The following CNTNAP2 variants were observed in gnomAD, a reference collection of about 807,000 sequenced individuals.
The protein encoded by CNTNAP2 is contactin-associated protein-like 2.
A neutral mutation model predicts 155.2 loss-of-function variants in CNTNAP2; 98 were observed. That is an observed-to-expected ratio of 0.63 (90% CI 0.54 to 0.75). CNTNAP2 has a LOEUF of 0.75. Among genes scored for constraint, CNTNAP2 ranks in the 30% least tolerant of loss-of-function variants. The pLI is 0.00. For synonymous variants in CNTNAP2, 651 were observed against 631.2 expected (o/e 1.03, Z -0.47); for missense variants, 1,727 against 1,688.1 (o/e 1.02, Z -0.40).
chr7:148,405,954 C>T (rs1473742879), intron 22 of CNTNAP2, among the ~76,000 whole-genome samples: 3 of 151,930 alleles, frequency 2.0e-5, no homozygotes, highest in Admixed American at 6.6e-5. Context: ...GAAGGTCGGC[C>T]GGGCGCGGTG....
chr7:147,425,803 C>A (rs1385498767), intron 10 of CNTNAP2, among the ~76,000 whole-genome samples: 1 of 152,092 alleles, frequency 6.6e-6, no homozygotes, highest in Non-Finnish European at 1.5e-5. Flanking sequence ...TTGATTTGAT[C>A]ATGTGTTACT....
intron 8 of CNTNAP2, among the ~76,000 whole-genome samples, chr7:147,227,743 G>A (rs1165699924): frequency 3.3e-5 from 5 of 152,086 alleles, no homozygotes; most frequent in Admixed American, 1.3e-4. Flanking sequence ...TGTTGACTTT[G>A]GGCTCTCTAC....
intron 1 of CNTNAP2, among the ~76,000 whole-genome samples, chr7:146,730,398 A>G (rs1451489607): frequency 6.6e-6 from 1 of 152,078 alleles, no homozygotes; most frequent in Admixed American, 6.5e-5. Context: ...TGAATTCCTC[A>G]TCCCATTTTA....
chr7:146,403,197 ATCT>A (rs1026395901), intron 1 of CNTNAP2, among the ~76,000 whole-genome samples: 44 of 152,256 alleles, frequency 2.9e-4, no homozygotes, highest in African/African-American at 9.9e-4. Flanking sequence ...AAAAACTATA[ATCT>A]TCTCAGTGTT....
At chr7:147,432,950 A>C (rs1158446128) in intron 10 of CNTNAP2, among the ~76,000 whole-genome samples, 1 of 152,220 alleles carries the variant, frequency 6.6e-6, no homozygotes, top group Non-Finnish European at 1.5e-5. Context: ...CACACCCAAT[A>C]GCCTTTAACA....
chr7:146,961,661 A>C (rs1455153359), intron 3 of CNTNAP2, among the ~76,000 whole-genome samples: 2 of 152,128 alleles, frequency 1.3e-5, no homozygotes, highest in Admixed American at 6.6e-5. Flanking sequence ...TAATATCGTC[A>C]TGGTGGAATG....
chr7:148,254,775 CAAAA>C (rs55711921), intron 20 of CNTNAP2, among the ~76,000 whole-genome samples: 5,096 of 120,322 alleles, frequency 0.042, 101 homozygotes, highest in Admixed American at 0.05. Flanking sequence ...GACTCCATCT[CAAAA>C]AAAAAAAAAA....
chr7:147,054,058 C>T (rs183374107), intron 4 of CNTNAP2, among the ~76,000 whole-genome samples: 129 of 152,240 alleles, frequency 8.5e-4, no homozygotes, highest in Non-Finnish European at 1.3e-3. Context: ...AGCATAGCTT[C>T]CTCTCTGACA....
rs773401142 is a variant in CNTNAP2, at chr7:147,002,944, CAAAAAAAAAAA to C, written c.403-40950_403-40940del. On this transcript the variant is annotated intron_variant, in intron 3 of 23. Transcript: ENST00000361727. ...CAGAACATAGCAAGGATGTTCCTTC[CAAAAAAAAAAA>C]AAAAAAAAAAAAGAAGAAGCAGCAA... 2.1e-4 allele frequency among the ~76,000 whole-genome samples: 11 copies of C among 52,942 alleles called. No homozygotes were observed. In the East Asian group the frequency reaches 3.2e-3, roughly 15 times the overall value. The allele number at this position is 52,942 out of a possible 152,430, so 34.7% of individuals were successfully genotyped here. A position where few individuals can be genotyped will look rare whatever the true frequency, so the allele number is the denominator to read the frequency against.
chr7:148,371,819 C>T (rs1440818103), intron 21 of CNTNAP2, among the ~76,000 whole-genome samples: 5 of 152,144 alleles, frequency 3.3e-5, no homozygotes, highest in South Asian at 2.1e-4. Flanking sequence ...ATGTGCAGCA[C>T]GCCACTGCAC....
intron 22 of CNTNAP2, among the ~76,000 whole-genome samples, chr7:148,397,009 G>A (rs1799483365): frequency 6.6e-6 from 1 of 152,172 alleles, no homozygotes; most frequent in Non-Finnish European, 1.5e-5. Context: ...AAAGGATACA[G>A]ACAAAAGTAG....
At chr7:147,775,911 G>T (rs1797576772) in intron 13 of CNTNAP2, among the ~76,000 whole-genome samples, 1 of 152,154 alleles carries the variant, frequency 6.6e-6, no homozygotes, top group African/African-American at 2.4e-5. Flanking sequence ...GCTGTTTTCA[G>T]AACTTTGAAG....
At chr7:147,239,115 T>C (rs1803880125) in intron 8 of CNTNAP2, among the ~76,000 whole-genome samples, 1 of 152,146 alleles carries the variant, frequency 6.6e-6, no homozygotes, top group Non-Finnish European at 1.5e-5. Context: ...TAAGAACCTA[T>C]CAAAGATTCT....
chr7:146,573,618 G>GA (rs1339711754), intron 1 of CNTNAP2, among the ~76,000 whole-genome samples: 1 of 152,126 alleles, frequency 6.6e-6, no homozygotes, highest in Non-Finnish European at 1.5e-5. Flanking sequence ...CATTTGATTG[G>GA]AAAAGGACAC....
intron 18 of CNTNAP2, among the ~76,000 whole-genome samples, chr7:148,181,576 A>G (rs943206877): frequency 6.6e-6 from 1 of 152,116 alleles, no homozygotes; most frequent in African/African-American, 2.4e-5. Context: ...GGGGTCCCAG[A>G]TATTTGAGAA....
At chr7:147,852,268 G>T (rs915968593) in intron 13 of CNTNAP2, among the ~76,000 whole-genome samples, 2 of 152,100 alleles carry the variant, frequency 1.3e-5, no homozygotes, top group African/African-American at 2.4e-5. Flanking sequence ...AATTGTTATT[G>T]CCAAGAATTT....
chr7:146,519,832 G>A (rs1277665170), intron 1 of CNTNAP2, among the ~76,000 whole-genome samples: 1 of 151,758 alleles, frequency 6.6e-6, no homozygotes, highest in Non-Finnish European at 1.5e-5. Context: ...CAGTAATCAT[G>A]AAACCCCATG....
At chr7:147,628,252 A>G (rs1795022182) in intron 12 of CNTNAP2, among the ~76,000 whole-genome samples, 1 of 152,198 alleles carries the variant, frequency 6.6e-6, no homozygotes, top group African/African-American at 2.4e-5. Flanking sequence ...ATAACCTATA[A>G]AGGAAAACCT....
chr7:146,306,747 G>A (rs7793294), intron 1 of CNTNAP2, among the ~76,000 whole-genome samples: 21,761 of 152,064 alleles, frequency 0.14, 4,046 homozygotes, highest in African/African-American at 0.43. Flanking sequence ...GATTATCTCA[G>A]TAGATGCTGA....
Sources: gnomAD v4.1 joint callset for allele counts (sites outside exome capture counted in the v4.1 genomes callset) on GRCh38, gnomAD v4.1.1 for gene constraint, MANE v1.5 for transcripts, NCBI Gene and HGNC (gene_info 2026-07-23, HGNC 2026-07-21) for gene names.